Variants in C8orf34 observed in about 807,000 individuals in gnomAD.
The protein encoded by C8orf34 is uncharacterized protein C8orf34.
Under a neutral mutation model 68.3 loss-of-function variants are expected in C8orf34, and 65 were observed. That is an observed-to-expected ratio of 0.95 (90% CI 0.78 to 1.17). The LOEUF (loss-of-function observed/expected upper bound fraction) is 1.17. Ranked by LOEUF, C8orf34 falls within the 50% of genes most tolerant of loss-of-function variation. C8orf34 has a pLI of 0.00. For synonymous variants in C8orf34, 244 were observed against 241.2 expected (o/e 1.01, Z -0.11); for missense variants, 664 against 655.4 (o/e 1.01, Z -0.14).
At position 68,490,693 on chromosome 8, in the gene C8orf34, A is replaced by G. The variant is rs574945518; in HGVS notation, c.765+2642A>G. 9.2e-5 allele frequency among the ~76,000 whole-genome samples: 14 copies of G among 152,294 alleles called. No individual in the cohort carries two copies. In the South Asian group the frequency reaches 2.7e-3, roughly 29 times the overall value. ...TTGTCATAAATAACTTTTCACTTAA[A>G]AAAAATTTCAGTGAAAAAAAAAATC... On this transcript the variant is annotated intron_variant, in intron 5 of 13. Coordinates refer to ENST00000518698, the MANE Select transcript of C8orf34 (RefSeq NM_052958.4).
At chr8:68,349,521 A>C (rs562451089) in intron 1 of C8orf34, among the ~76,000 whole-genome samples, 2 of 151,692 alleles carry the variant, frequency 1.3e-5, no homozygotes, top group Non-Finnish European at 3.0e-5. Flanking sequence ...TCTCCTCCTC[A>C]ATTGTTGGGA....
chr8:68,614,521 T>C (rs1818132817), intron 7 of C8orf34, among the ~76,000 whole-genome samples: 2 of 152,302 alleles, frequency 1.3e-5, no homozygotes, highest in South Asian at 4.1e-4. Flanking sequence ...TAGCCAGTTT[T>C]CCCAGCACAT....
chr8:68,461,547 T>A (rs1327458462), intron 3 of C8orf34, among the ~76,000 whole-genome samples: 1 of 152,100 alleles, frequency 6.6e-6, no homozygotes, highest in South Asian at 2.1e-4. Flanking sequence ...GAGAGAAAGG[T>A]CGGGTTACCC....
chr8:68,492,168 T>C (rs78016426), intron 5 of C8orf34, among the ~76,000 whole-genome samples: 3 of 152,196 alleles, frequency 2.0e-5, no homozygotes. Flanking sequence ...GAAATTTTTT[T>C]CTTGACTCTC....
At chr8:68,488,073 G>T in intron 5 of C8orf34, 22 bp downstream of exon 5, 1 of 1,540,874 alleles carries the variant, frequency 6.5e-7, no homozygotes, top group Non-Finnish European at 8.8e-7. Flanking sequence ...TATACATCTG[G>T]TGAAAAGAAA....
chr8:68,765,329 T>C (rs1456669212), intron 10 of C8orf34, among the ~76,000 whole-genome samples: 2 of 152,212 alleles, frequency 1.3e-5, no homozygotes, highest in Admixed American at 1.3e-4. Flanking sequence ...CCAAAGCCTG[T>C]CCTCTTACTT....
chr8:68,418,375 T>C (rs1375048697), intron 1 of C8orf34, among the ~76,000 whole-genome samples: 1 of 151,988 alleles, frequency 6.6e-6, no homozygotes. Flanking sequence ...CTTGTGCCAG[T>C]TTTCAAAGGG....
chr8:68,589,861 G>T (rs1365088423), intron 7 of C8orf34, among the ~76,000 whole-genome samples: 1 of 139,932 alleles, frequency 7.1e-6, no homozygotes, highest in Non-Finnish European at 1.5e-5. Context: ...AGAGAAATGA[G>T]TGAGGGAGGG....
intron 10 of C8orf34, among the ~76,000 whole-genome samples, chr8:68,749,413 C>T (rs1822629588): frequency 1.3e-5 from 2 of 151,700 alleles, no homozygotes; most frequent in Admixed American, 6.6e-5. Flanking sequence ...GAAAGAAACA[C>T]AGAACAGAAA....
chr8:68,811,008 A>C (rs1209347914), intron 12 of C8orf34, among the ~76,000 whole-genome samples: 1 of 152,102 alleles, frequency 6.6e-6, no homozygotes, highest in Admixed American at 6.5e-5. Flanking sequence ...GGGACCCAGC[A>C]CTTTCTGCCC....
chr8:68,431,174 A>C (rs1810437045), intron 1 of C8orf34, among the ~76,000 whole-genome samples: 1 of 152,166 alleles, frequency 6.6e-6, no homozygotes, highest in Non-Finnish European at 1.5e-5. Context: ...GGTGCATGGA[A>C]TCAAACTTAG....
chr8:68,653,011 G>T (rs898258167), intron 8 of C8orf34, among the ~76,000 whole-genome samples: 7 of 151,914 alleles, frequency 4.6e-5, no homozygotes, highest in Admixed American at 1.3e-4. Context: ...TTAACTTCTT[G>T]GTTCTGTAAC....
chr8:68,399,177 A>G (rs930855552), intron 1 of C8orf34, among the ~76,000 whole-genome samples: 4 of 152,048 alleles, frequency 2.6e-5, no homozygotes, highest in Non-Finnish European at 5.9e-5. Context: ...TTTCATTTCT[A>G]TAAGTTTATG....
chr8:68,753,660 T>G (rs896001179), intron 10 of C8orf34, among the ~76,000 whole-genome samples: 1 of 152,036 alleles, frequency 6.6e-6, no homozygotes, highest in African/African-American at 2.4e-5. Flanking sequence ...AAACTAGGAG[T>G]CCAGCCTCAG....
At chr8:68,540,119 C>A (rs1235576987) in intron 7 of C8orf34, among the ~76,000 whole-genome samples, 1 of 151,704 alleles carries the variant, frequency 6.6e-6, no homozygotes, top group East Asian at 1.9e-4. Context: ...AGAAAATAAT[C>A]ATAACAATAT....
chr8:68,798,355 G>A (rs902489886), intron 12 of C8orf34, among the ~76,000 whole-genome samples: 1 of 148,636 alleles, frequency 6.7e-6, no homozygotes, highest in Non-Finnish European at 1.5e-5. Flanking sequence ...AGTGTGCAGT[G>A]GCGTGATCAC....
chr8:68,524,887 C>G (rs1287059151), intron 6 of C8orf34, among the ~76,000 whole-genome samples: 1 of 152,182 alleles, frequency 6.6e-6, no homozygotes, highest in African/African-American at 2.4e-5. Flanking sequence ...GCTCATTAAG[C>G]CTTGAAGCCT....
intron 1 of C8orf34, among the ~76,000 whole-genome samples, chr8:68,384,145 T>C (rs1250060375): frequency 3.9e-5 from 6 of 152,240 alleles, no homozygotes; most frequent in Non-Finnish European, 8.8e-5. Flanking sequence ...TCTTTCCAAT[T>C]CTATTTTCTA....
At chr8:68,535,340 A>T (rs1177622276) in intron 7 of C8orf34, 7 of 983,120 alleles carry the variant, frequency 7.1e-6, no homozygotes, top group Non-Finnish European at 8.5e-6. Context: ...GTGTTTGTAA[A>T]TGTTTAACTT....
Sources: gnomAD v4.1 joint callset for allele counts (sites outside exome capture counted in the v4.1 genomes callset) on GRCh38, gnomAD v4.1.1 for gene constraint, MANE v1.5 for transcripts, NCBI Gene and HGNC (gene_info 2026-07-23, HGNC 2026-07-21) for gene names.